EVL: variants seen among roughly 807,000 people sequenced by gnomAD.
The protein encoded by EVL is Enah/Vasp-like, also known as ena/VASP-like protein.
Under a neutral mutation model 59.6 loss-of-function variants are expected in EVL, and 21 were observed. The observed-to-expected ratio is 0.35, with a 90% CI of 0.25 to 0.51. The LOEUF (loss-of-function observed/expected upper bound fraction) is 0.51. Ranked by LOEUF, EVL falls within the 20% of genes least tolerant of loss-of-function variation. EVL has a pLI of 0.97. For missense variants in EVL, 462 were observed against 546.6 expected (o/e 0.85, Z 1.54); for synonymous variants, 198 against 203.5 (o/e 0.97, Z 0.23).
chr14:100,008,567 T>C (rs2060997876), intron 1 of EVL, among the ~76,000 whole-genome samples: 1 of 152,206 alleles, frequency 6.6e-6, no homozygotes, highest in African/African-American at 2.4e-5. Flanking sequence ...TACCCTTCTT[T>C]TTCTTCTGTA....
At chr14:100,023,371 A>ATTT (rs1010647617) in intron 1 of EVL, among the ~76,000 whole-genome samples, 42 of 90,748 alleles carry the variant, frequency 4.6e-4, no homozygotes, top group African/African-American at 6.4e-4. Flanking sequence ...AGCCCGGCTA[A>ATTT]TTTTTTTTTT....
intron 1 of EVL, among the ~76,000 whole-genome samples, chr14:100,016,056 G>A (rs1183503965): frequency 4.7e-5 from 7 of 147,528 alleles, no homozygotes; most frequent in South Asian, 2.1e-4. Context: ...TCCAGCCTGC[G>A]TGACAGAGTA....
chr14:100,110,986 G>T (rs73349538), intron 3 of EVL, among the ~76,000 whole-genome samples: 2 of 152,162 alleles, frequency 1.3e-5, no homozygotes, highest in East Asian at 3.9e-4. Context: ...GCTGAGGTGT[G>T]CCTGCCATGG....
chr14:100,103,518 C>T (rs538557373), intron 3 of EVL, among the ~76,000 whole-genome samples: 2 of 152,214 alleles, frequency 1.3e-5, no homozygotes, highest in South Asian at 4.2e-4. Context: ...TGGTTTCTGC[C>T]TCTCTTTATC....
intron 1 of EVL, among the ~76,000 whole-genome samples, chr14:100,079,332 A>G (rs1464760324): frequency 6.6e-6 from 1 of 152,332 alleles, no homozygotes; most frequent in East Asian, 1.9e-4. Flanking sequence ...CGGGCACACA[A>G]TCATAAATGC....
At chr14:99,997,194 G>A (rs1367750805) in intron 1 of EVL, among the ~76,000 whole-genome samples, 1 of 152,090 alleles carries the variant, frequency 6.6e-6, no homozygotes, top group Non-Finnish European at 1.5e-5. Context: ...ATAATTGTTT[G>A]CCTAAGTGTA....
At chr14:100,075,774 C>T (rs1423794533) in intron 1 of EVL, among the ~76,000 whole-genome samples, 1 of 152,176 alleles carries the variant, frequency 6.6e-6, no homozygotes, top group Admixed American at 6.5e-5. Context: ...ACCTACTGAG[C>T]GTAAGGAATG....
At chr14:100,010,893 A>G (rs1378941110) in intron 1 of EVL, among the ~76,000 whole-genome samples, 1 of 152,240 alleles carries the variant, frequency 6.6e-6, no homozygotes, top group East Asian at 1.9e-4. Flanking sequence ...TCCGTTTTTC[A>G]TCTTTAGGAG....
intron 3 of EVL, chr14:100,107,614 A>G (rs1886653931): frequency 4.1e-6 from 1 of 245,836 alleles, no homozygotes; most frequent in Non-Finnish European, 7.7e-6. Flanking sequence ...GCCGAGGTGC[A>G]TGGAAAGCAG....
At chr14:100,051,276 G>A (rs1003274384) in intron 1 of EVL, among the ~76,000 whole-genome samples, 12 of 152,158 alleles carry the variant, frequency 7.9e-5, no homozygotes, top group Non-Finnish European at 1.8e-4. Context: ...GCCTGTCCAT[G>A]CTGTCCACGC....
At chr14:100,085,024 C>T (rs2062407891) in intron 2 of EVL, 169 bp downstream of exon 2, 4 of 620,228 alleles carry the variant, frequency 6.4e-6, no homozygotes, top group Non-Finnish European at 1.1e-5. Flanking sequence ...CAAAGTATGA[C>T]ACCTTAAGCA....
At position 100,102,372 on chromosome 14, in the gene EVL, G is replaced by A. The variant is rs1026234752; in HGVS notation, c.358+4714G>A. On this transcript the variant is annotated intron_variant, in intron 3 of 13. Transcript: ENST00000392920. ...CACAAATGAATGGAGGCAGCCTAAC[G>A]TCATGTGGTATGTTCCAGGCTCATG... The A allele has an allele frequency of 1.1e-5, 5 of 455,938 alleles. No homozygotes were observed. The East Asian group carries it at 2.1e-4, about 19-fold the overall frequency. 28.2% of individuals were successfully genotyped at this position (455,938 alleles called of 1,614,324 possible).
chr14:100,045,908 C>T (rs1271605494), intron 1 of EVL, among the ~76,000 whole-genome samples: 2 of 152,110 alleles, frequency 1.3e-5, no homozygotes, highest in Non-Finnish European at 2.9e-5. Flanking sequence ...TTTCCTCCAG[C>T]CGTGTCCTGC....
At chr14:100,010,538 G>A (rs964672241) in intron 1 of EVL, among the ~76,000 whole-genome samples, 2 of 152,178 alleles carry the variant, frequency 1.3e-5, no homozygotes, top group African/African-American at 2.4e-5. Flanking sequence ...TGGGATTACA[G>A]GCATGTGCCA....
chr14:99,984,799 A>G (rs898879858), intron 1 of EVL, among the ~76,000 whole-genome samples: 1 of 152,052 alleles, frequency 6.6e-6, no homozygotes, highest in African/African-American at 2.4e-5. Context: ...TATTTTTAGT[A>G]GAGACTGAGT....
upstream of EVL, among the ~76,000 whole-genome samples, chr14:100,063,973 C>T (rs1274103340): frequency 1.3e-5 from 2 of 152,106 alleles, no homozygotes; most frequent in African/African-American, 4.8e-5. Flanking sequence ...TAACGAAGCA[C>T]TTATCAATAA....
At position 100,123,572 on chromosome 14, in the gene EVL, C is replaced by T. The variant is rs1887835610; in HGVS notation, c.392C>T (p.Pro131Leu). 1.2e-6 allele frequency: 2 copies of T among 1,614,022 alleles called. No homozygotes were observed. The highest frequency in any genetic ancestry group is 2.2e-5 in the South Asian group (2 of 91,072). ...PSSQRQVQNG[P>L]SPDEMDIQRR... ...AGCCAGCGTCAGGTGCAGAATGGCC[C>T]CTCTCCTGATGAGATGGACATCCAG... Residue 131 changes from proline to leucine, a missense_variant, in exon 4 of 14, where the codon CCC becomes CTC. By Grantham distance (98) the Pro-to-Leu change is moderately conservative. Transcript: ENST00000392920.
chr14:100,136,027 G>A (rs1595251280), intron 9 of EVL, 59 bp downstream of exon 9: 1 of 1,577,438 alleles, frequency 6.3e-7, no homozygotes, highest in South Asian at 1.1e-5. Context: ...TGGGAGGGGG[G>A]ACCCTTCGGA....
upstream of EVL, among the ~76,000 whole-genome samples, chr14:100,063,404 G>C (rs1233572664): frequency 6.6e-6 from 1 of 152,184 alleles, no homozygotes; most frequent in Non-Finnish European, 1.5e-5. Flanking sequence ...AACTTCTGAT[G>C]ATGTTGGGCT....
Sources: allele counts gnomAD v4.1 joint callset (sites outside exome capture counted in the v4.1 genomes callset), GRCh38; gene constraint gnomAD v4.1.1; transcripts MANE v1.5; gene names NCBI Gene and HGNC (gene_info 2026-07-23, HGNC 2026-07-21).